The following ZNF324B variants were observed in gnomAD, a reference collection of about 807,000 sequenced individuals.
ZNF324B encodes zinc finger protein 324B.
A neutral mutation model predicts 10.6 loss-of-function variants in ZNF324B; 7 were observed. That is an observed-to-expected ratio of 0.66 (90% CI 0.38 to 1.24). The LOEUF (loss-of-function observed/expected upper bound fraction) is 1.24, where lower values mean the gene tolerates loss of function less well. Ranked by LOEUF, ZNF324B falls within the 50% of genes most tolerant of loss-of-function variation. The probability of loss-of-function intolerance (pLI) is 0.02; values close to 1 mark genes in which losing one functional copy is unlikely to be tolerated. For synonymous variants in ZNF324B, 316 were observed against 321.0 expected (o/e 0.98, Z 0.17); for missense variants, 640 against 764.7 (o/e 0.84, Z 1.92).
chr19:58,446,709 T>G (rs1378713848), upstream of ZNF324B, among the ~76,000 whole-genome samples: 2 of 149,982 alleles, frequency 1.3e-5, no homozygotes, highest in East Asian at 4.0e-4. Context: ...CCCAAGTAGC[T>G]GGAATTACAG....
chr19:58,439,908 A>C, the ZNF324B span: 1 of 1,390,464 alleles, frequency 7.2e-7, no homozygotes, highest in Non-Finnish European at 9.7e-7. Context: ...CTGTCTTCCC[A>C]AATGCAAAAT....
At chr19:58,443,096 C>A in the ZNF324B span, 1 of 152,174 alleles carries the variant, frequency 6.6e-6, no homozygotes. Flanking sequence ...AGTTTACAAA[C>A]CTATAGCTAG....
the ZNF324B span, chr19:58,437,050 G>C: frequency 6.2e-7 from 1 of 1,614,164 alleles, no homozygotes; most frequent in South Asian, 1.1e-5. Context: ...GCATTACCAA[G>C]TGAGGTCACA....
Position 58,456,900 on chromosome 19 carries a change from C to T in ZNF324B, c.*321C>T, listed in dbSNP as rs557532928. On this transcript the variant is annotated 3_prime_UTR_variant, in exon 4 of 4. Coordinates refer to ENST00000336614, the MANE Select transcript of ZNF324B (RefSeq NM_207395.3). This position sits in a 1 kb window ranked among gnomAD's most constrained non-coding sequence, Gnocchi z 4.7. ...AAGGCAGCGCTGCATGGTGGTGCTA[C>T]TTCATGTGTTATGAGAGTGGATGCT... 3 of 442,244 alleles carry T rather than the reference C, an allele frequency of 6.8e-6. No homozygotes were observed. In the South Asian group the frequency reaches 9.7e-5, roughly 14 times the overall value. 27.4% of individuals were successfully genotyped at this position (442,244 alleles called of 1,614,324 possible).
chr19:58,451,576 T>C (rs777680093), upstream of ZNF324B: 1 of 516,314 alleles, frequency 1.9e-6, no homozygotes, highest in African/African-American at 1.9e-5. Context: ...TGCGCGCGTA[T>C]TGGGGCAATG....
At chr19:58,435,266 A>C in the ZNF324B span, 4 of 1,553,350 alleles carry the variant, frequency 2.6e-6, no homozygotes, top group Non-Finnish European at 3.5e-6. Context: ...GGAATGGTTG[A>C]CTTCATTAGA....
the ZNF324B span, among the ~76,000 whole-genome samples, chr19:58,446,573 C>CTTTT: frequency 9.8e-5 from 10 of 102,506 alleles, no homozygotes; most frequent in African/African-American, 1.4e-4. Flanking sequence ...ATTTCTTTCT[C>CTTTT]TTTTTTTTTT....
intron 1 of ZNF324B, among the ~76,000 whole-genome samples, chr19:58,451,969 C>T (rs908056217): frequency 6.6e-6 from 1 of 152,216 alleles, no homozygotes. Flanking sequence ...CCGCTGGCGG[C>T]GGTGGCGCTG....
chr19:58,427,939 A>G, the ZNF324B span, among the ~76,000 whole-genome samples: 27 of 152,164 alleles, frequency 1.8e-4, no homozygotes, highest in Non-Finnish European at 3.4e-4. Context: ...TTCTGATCCC[A>G]CATGTGTCTT....
upstream of ZNF324B, among the ~76,000 whole-genome samples, chr19:58,451,019 G>A (rs2052851860): frequency 6.6e-6 from 1 of 152,222 alleles, no homozygotes; most frequent in Non-Finnish European, 1.5e-5. Context: ...TTTTGGGCGA[G>A]CGTCCAAGAA....
In ZNF324B at chr19:58,455,461, C is replaced by T. The variant is rs766177583; in HGVS notation, c.517C>T (p.Arg173Trp). ...TSPLRPPKSSRPREKTFTEYR... is the reference protein window; with the variant it reads ...TSPLRPPKSSWPREKTFTEYR... ...CCCACTCAGGCCCCCCAAGAGCAGC[C>T]GGCCCAGGGAAAAGACCTTCACAGA... The change falls in exon 4 of 4, where the codon CGG becomes TGG. Residue 173 changes from arginine (R) to tryptophan (W), a missense_variant. Physicochemically the swap from Arg to Trp is moderately radical, Grantham distance 101. Around this residue, in one of 3 missense-constraint regions of ZNF324B, gnomAD observed 345 missense variants for 387.9 expected, o/e 0.89. Coordinates refer to ENST00000336614, the MANE Select transcript of ZNF324B (RefSeq NM_207395.3). The surrounding 1 kb of genome is among the most constrained non-coding windows in gnomAD (Gnocchi z 7.0). 8.1e-6 allele frequency: 13 copies of T among 1,614,092 alleles called. No individual in the cohort carries two copies. In the Admixed American group the frequency reaches 1.3e-4, roughly 17 times the overall value.
At chr19:58,449,748 G>A (rs988129174), upstream of ZNF324B, among the ~76,000 whole-genome samples, 6 of 152,150 alleles carry the variant, frequency 3.9e-5, no homozygotes, top group Admixed American at 2.0e-4. Context: ...TTTATCCAAC[G>A]GCTGTACCCC....
the ZNF324B span, among the ~76,000 whole-genome samples, chr19:58,424,266 A>G: frequency 6.6e-6 from 1 of 151,902 alleles, no homozygotes; most frequent in Admixed American, 6.6e-5. Context: ...ACAAAATAAA[A>G]CAAACAACAA....
chr19:58,454,876 AG>A, intron 3 of ZNF324B: 2 of 553,434 alleles, frequency 3.6e-6, no homozygotes, highest in Non-Finnish European at 6.6e-6. Context: ...ATGGAAAGGG[AG>A]GGGGTGGAAC....
the ZNF324B span, chr19:58,442,161 CTT>C: frequency 1.2e-4 from 11 of 95,000 alleles, no homozygotes; most frequent in Admixed American, 5.3e-4. Context: ...TGTTACAGTT[CTT>C]TTTTTTTTTT....
chr19:58,455,899 G>A lies in ZNF324B; in HGVS notation c.955G>A (p.Gly319Ser), dbSNP rs760101692. The change falls in exon 4 of 4, where the codon GGC (glycine) becomes AGC (serine). Residue 319 changes from glycine to serine, a missense_variant. Gly to Ser is a moderately conservative substitution (Grantham distance 56, BLOSUM62 0). Transcript: ENST00000336614. The surrounding 1 kb of genome is among the most constrained non-coding windows in gnomAD (Gnocchi z 7.0). ...GETPYACPVC[G>S]KAFRHSSSLV... is the part of the protein sequence containing the mutation. ...GACGCCCTACGCGTGCCCCGTGTGCGGCAAGGCCTTCCGGCATAGCTCCTC... is the reference window on the plus strand; with the variant it reads ...GACGCCCTACGCGTGCCCCGTGTGCAGCAAGGCCTTCCGGCATAGCTCCTC... 5.0e-6 allele frequency: 8 copies of A among 1,606,050 alleles called. No individual in the cohort carries two copies. Among genetic ancestry groups the A allele is most frequent in the Middle Eastern group, 1.7e-4 (1 of 6,024 alleles).
In ZNF324B at chr19:58,457,175, TGACA is replaced by T. The variant is rs1297392885; in HGVS notation, c.*600_*603del. 1 of 156,104 alleles carries T rather than the reference TGACA, an allele frequency of 6.4e-6. No individual in the cohort carries two copies. Among genetic ancestry groups the T allele is most frequent in the Non-Finnish European group, 1.4e-5 (1 of 70,408 alleles). 9.7% of individuals were successfully genotyped at this position (156,104 alleles called of 1,614,324 possible). A position where few individuals can be genotyped will look rare whatever the true frequency, so the allele number is the denominator to read the frequency against. ...AACTCAGCATCATGTTTGCAGATGCTGACAGACGGGATCCTAATGAGAGTCAATG... is the reference window on the plus strand; with the variant it reads ...AACTCAGCATCATGTTTGCAGATGCTGACGGGATCCTAATGAGAGTCAATG... On this transcript the variant is annotated 3_prime_UTR_variant, in exon 4 of 4. Transcript: ENST00000336614.
At chr19:58,447,244 C>T (rs1292831396), upstream of ZNF324B, among the ~76,000 whole-genome samples, 1 of 152,186 alleles carries the variant, frequency 6.6e-6, no homozygotes, top group Non-Finnish European at 1.5e-5. Flanking sequence ...TCCCAAAGTG[C>T]TGGGATTACT....
chr19:58,428,677 G>A, the ZNF324B span: 1 of 152,216 alleles, frequency 6.6e-6, no homozygotes, highest in African/African-American at 2.4e-5. Context: ...TCAGTTATGA[G>A]TGACACATAG....
Sources: allele counts gnomAD v4.1 joint callset (sites outside exome capture counted in the v4.1 genomes callset), GRCh38; gene constraint gnomAD v4.1.1; regional missense constraint gnomAD v4.1.1; non-coding constraint Gnocchi (gnomAD v3.1); transcripts MANE v1.5; gene names NCBI Gene and HGNC (gene_info 2026-07-23, HGNC 2026-07-21).